Variants in ZGRF1 observed in about 807,000 individuals in gnomAD.
ZGRF1 encodes the protein 5'-3' DNA helicase ZGRF1.
A neutral mutation model predicts 203.5 loss-of-function variants in ZGRF1; 196 were observed. The observed-to-expected ratio is 0.96, with a 90% CI of 0.86 to 1.08. ZGRF1 has a LOEUF of 1.08. Among genes scored for constraint, ZGRF1 ranks in the 50% least tolerant of loss-of-function variants. The pLI is 0.00. For missense variants in ZGRF1, 2,326 were observed against 2,416.3 expected (o/e 0.96, Z 0.78); for synonymous variants, 809 against 841.3 (o/e 0.96, Z 0.66).
intron 3 of ZGRF1, among the ~76,000 whole-genome samples, chr4:112,630,783 G>C (rs1010257918): frequency 2.0e-5 from 3 of 151,738 alleles, no homozygotes; most frequent in Admixed American, 2.0e-4. Context: ...CCAGCTACTT[G>C]GGGGGCTGAG....
chr4:112,574,607 T>C (rs996733246), intron 16 of ZGRF1, among the ~76,000 whole-genome samples: 2 of 152,244 alleles, frequency 1.3e-5, no homozygotes, highest in Admixed American at 6.5e-5. Flanking sequence ...ATGCTTATTG[T>C]ATTATTTTAA....
chr4:112,620,289 A>T, intron 4 of ZGRF1, 99 bp from the exon 5 acceptor site: 2 of 763,132 alleles, frequency 2.6e-6, no homozygotes, highest in African/African-American at 1.8e-5. Flanking sequence ...GTGTTCAATA[A>T]ATAGGTGTTG....
chr4:112,620,088 C>T lies in ZGRF1; in HGVS notation c.265G>A (p.Glu89Lys). 1 of 1,613,450 alleles carries T rather than the reference C, an allele frequency of 6.2e-7. No homozygotes were observed. Among genetic ancestry groups the T allele is most frequent in the Non-Finnish European group, 8.5e-7 (1 of 1,179,624 alleles). Residue 89 changes from glutamate to lysine, a missense_variant, in exon 5 of 28, where the codon GAA becomes AAA. Physicochemically the swap from Glu to Lys is moderately conservative, Grantham distance 56 (BLOSUM62 1). Transcript: ENST00000505019. ...IGIVKQNVNK[E>K]APELNSRTFI... ...GTCCTTGAATTTAACTCTGGTGCTTCTTTATTGACATTCTGCTTAACAATA... is the reference window on the plus strand; with the variant it reads ...GTCCTTGAATTTAACTCTGGTGCTTTTTTATTGACATTCTGCTTAACAATA...
intron 4 of ZGRF1, 109 bp from the exon 5 acceptor site, chr4:112,620,299 G>T: frequency 1.5e-6 from 1 of 660,262 alleles, no homozygotes; most frequent in Non-Finnish European, 2.4e-6. Context: ...AATAGGTGTT[G>T]AACGAATAAA....
Position 112,632,025 on chromosome 4 carries a change from T to A in ZGRF1, c.22-15A>T. On this transcript the variant is annotated splice_polypyrimidine_tract_variant and intron_variant, in intron 2 of 27. Coordinates refer to ENST00000505019, the MANE Select transcript of ZGRF1 (RefSeq NM_018392.5). ...GTATATAGAACCTTATTTCCAAAAATACAAAAGAAATGGTTTCCATTTATA... is the reference window on the plus strand; with the variant it reads ...GTATATAGAACCTTATTTCCAAAAAAACAAAAGAAATGGTTTCCATTTATA... 7.5e-7 allele frequency: 1 copy of A among 1,332,798 alleles called. No homozygotes were observed. Among genetic ancestry groups the A allele is most frequent in the Non-Finnish European group, 1.0e-6 (1 of 970,558 alleles). The allele number at this position is 1,332,798 out of a possible 1,614,324, so 82.6% of individuals were successfully genotyped here.
rs184431805 is a variant in ZGRF1, at chr4:112,606,825, G to T, written c.2719-734C>A. On this transcript the variant is annotated intron_variant, in intron 8 of 27. Coordinates refer to ENST00000505019, the MANE Select transcript of ZGRF1 (RefSeq NM_018392.5). ...TATTTGAAGAATGAATCATCTCCTA[G>T]CAATCACAAAACACGATACTGACAA... Among the ~76,000 whole-genome samples, 25 of 152,198 alleles carry T rather than the reference G, an allele frequency of 1.6e-4. No homozygotes were observed. In the East Asian group the frequency reaches 4.6e-3, roughly 28 times the overall value.
intron 5 of ZGRF1, 93 bp downstream of exon 5, chr4:112,619,909 G>T: frequency 2.7e-6 from 3 of 1,097,516 alleles, no homozygotes; most frequent in South Asian, 1.9e-5. Flanking sequence ...AGTGCCCTTT[G>T]AATGACAGAG....
At chr4:112,572,097 T>C (rs1396436866) in intron 16 of ZGRF1, among the ~76,000 whole-genome samples, 1 of 151,990 alleles carries the variant, frequency 6.6e-6, no homozygotes, top group Admixed American at 6.6e-5. Context: ...TGAAACTGGA[T>C]CCCTACTTCA....
Position 112,620,024 on chromosome 4 carries a change from G to A in ZGRF1, c.329C>T (p.Ser110Phe). The stretch of plus-strand genomic sequence containing the variant: ...TACAGTAAACTTCCTTTTTAAGCCA[G>A]AGGGCTGACATCCAAGAGATCGGCC... Reference protein sequence around the residue: ...SSGRSLGCQPSGLKRKFTGFQ... With the variant: ...SSGRSLGCQPFGLKRKFTGFQ... The change falls in exon 5 of 28, where the codon TCT (serine) becomes TTT (phenylalanine). Residue 110 changes from serine (S) to phenylalanine (F), a missense_variant. Transcript: ENST00000505019. 1 of 1,587,530 alleles carries A rather than the reference G, an allele frequency of 6.3e-7. No individual in the cohort carries two copies. The highest frequency in any genetic ancestry group is 1.2e-5 in the South Asian group (1 of 84,986).
intron 3 of ZGRF1, among the ~76,000 whole-genome samples, chr4:112,624,163 CA>C (rs34831385): frequency 1.8e-3 from 203 of 114,028 alleles, no homozygotes; most frequent in Non-Finnish European, 2.1e-3. Context: ...TGCTACTGCT[CA>C]AAAAAAAAAA....
chr4:112,618,147 C>G lies in ZGRF1; in HGVS notation c.1895G>C (p.Gly632Ala), dbSNP rs1348321353. The change falls in exon 6 of 28, where the codon GGA becomes GCA. Residue 632 changes from glycine (G) to alanine (A), a missense_variant. Transcript: ENST00000505019. ...DMGICKTENTGKEIEEYSDTL... is the reference protein window; with the variant it reads ...DMGICKTENTAKEIEEYSDTL... ...GTCACTATACTCCTCTATTTCTTTT[C>G]CTGTGTTTTCAGTTTTACATATTCC... 6.2e-7 allele frequency: 1 copy of G among 1,613,764 alleles called. No homozygotes were observed. The highest frequency in any genetic ancestry group is 1.1e-5 in the South Asian group (1 of 91,038).
At chr4:112,583,408 A>T (rs936023752) in intron 15 of ZGRF1, among the ~76,000 whole-genome samples, 5 of 152,222 alleles carry the variant, frequency 3.3e-5, no homozygotes, top group African/African-American at 1.2e-4. Context: ...TGTGGAAAAT[A>T]GCCCCGACTA....
At chr4:112,576,510 A>C (rs1290474632) in intron 16 of ZGRF1, among the ~76,000 whole-genome samples, 1 of 152,166 alleles carries the variant, frequency 6.6e-6, no homozygotes. Context: ...AACCCATGGC[A>C]AAGAAGTTAA....
At chr4:112,569,351 A>C (rs977203448) in intron 16 of ZGRF1, among the ~76,000 whole-genome samples, 2 of 152,242 alleles carry the variant, frequency 1.3e-5, no homozygotes, top group Non-Finnish European at 2.9e-5. Context: ...TTCATTCAGA[A>C]AGCTTGCTAC....
At chr4:112,596,929 C>G (rs990915815) in intron 10 of ZGRF1, among the ~76,000 whole-genome samples, 1 of 152,032 alleles carries the variant, frequency 6.6e-6, no homozygotes, top group African/African-American at 2.4e-5. Context: ...TTAAAAGTTT[C>G]TGTGCCGGGC....
intron 16 of ZGRF1, among the ~76,000 whole-genome samples, chr4:112,569,648 TAAG>T (rs1743850046): frequency 6.6e-6 from 1 of 152,134 alleles, no homozygotes; most frequent in African/African-American, 2.4e-5. Flanking sequence ...TTTTTAAAAG[TAAG>T]AAATTATTTT....
At chr4:112,540,753 T>C (rs557206369) in intron 26 of ZGRF1, 68 bp downstream of exon 26, 88 of 1,281,828 alleles carry the variant, frequency 6.9e-5, no homozygotes, top group Non-Finnish European at 8.3e-5. Flanking sequence ...ATAAATGTAA[T>C]ATCAAATATG....
At chr4:112,624,371 T>C (rs2047160551) in intron 3 of ZGRF1, among the ~76,000 whole-genome samples, 1 of 151,684 alleles carries the variant, frequency 6.6e-6, no homozygotes, top group Non-Finnish European at 1.5e-5. Context: ...GGCAGGAGAA[T>C]TGCTTGAACC....
chr4:112,542,680 C>T (rs1197112307), intron 24 of ZGRF1, among the ~76,000 whole-genome samples: 1 of 152,130 alleles, frequency 6.6e-6, no homozygotes, highest in East Asian at 1.9e-4. Context: ...CTCACACGAT[C>T]CTTCTGCCTC....
Sources: gnomAD v4.1 joint callset for allele counts (sites outside exome capture counted in the v4.1 genomes callset) on GRCh38, gnomAD v4.1.1 for gene constraint, MANE v1.5 for transcripts, NCBI Gene and HGNC (gene_info 2026-07-23, HGNC 2026-07-21) for gene names.